TLCD4: variants seen among roughly 807,000 people sequenced by gnomAD.
TLCD4 encodes the protein TLC domain containing 4.
TLCD4 carries 7 observed loss-of-function variants against 24.2 expected under a neutral mutation model. The ratio of observed to expected loss-of-function variants is 0.29; its 90% confidence interval spans 0.16 to 0.54. The LOEUF (loss-of-function observed/expected upper bound fraction) is 0.54. Among genes scored for constraint, TLCD4 ranks in the 20% least tolerant of loss-of-function variants. The probability of loss-of-function intolerance (pLI) is 0.95; values close to 1 mark genes in which losing one functional copy is unlikely to be tolerated. For missense variants in TLCD4, 259 were observed against 313.9 expected (o/e 0.82, Z 1.32); for synonymous variants, 103 against 106.4 (o/e 0.97, Z 0.20).
the TLCD4 span, among the ~76,000 whole-genome samples, chr1:95,105,894 T>C: frequency 0.038 from 4,267 of 113,580 alleles, 284 homozygotes; most frequent in East Asian, 0.044. Context: ...GACTCCGTCT[T>C]AAAAAAAAAA....
At chr1:95,137,007 C>A (rs565078648) in intron 1 of TLCD4, among the ~76,000 whole-genome samples, 40 of 151,632 alleles carry the variant, frequency 2.6e-4, no homozygotes, top group Non-Finnish European at 4.7e-4. Flanking sequence ...TGGTACATGG[C>A]GGGTGGTGAA....
At chr1:95,156,890 C>A (rs577991041) in intron 5 of TLCD4, among the ~76,000 whole-genome samples, 20 of 151,970 alleles carry the variant, frequency 1.3e-4, no homozygotes, top group Non-Finnish European at 2.8e-4. Context: ...GCCCATATGC[C>A]ATTAGAAATG....
intron 3 of TLCD4, among the ~76,000 whole-genome samples, chr1:95,149,338 A>G (rs969183908): frequency 6.6e-6 from 1 of 152,168 alleles, no homozygotes; most frequent in Admixed American, 6.5e-5. Flanking sequence ...TGTCATTCCA[A>G]TGGCAGAAAT....
the TLCD4 span, among the ~76,000 whole-genome samples, chr1:95,092,865 A>G: frequency 6.6e-6 from 1 of 152,114 alleles, no homozygotes; most frequent in Non-Finnish European, 1.5e-5. Context: ...CAGCCTCCCA[A>G]GTAGCTGGGA....
the TLCD4 span, among the ~76,000 whole-genome samples, chr1:95,110,866 T>TAA: frequency 5.0e-5 from 6 of 119,562 alleles, no homozygotes; most frequent in Non-Finnish European, 1.1e-4. Flanking sequence ...AAAAGAAAAG[T>TAA]AAAAAAAAAA....
At chr1:95,173,006 A>G (rs1315656746) in intron 5 of TLCD4, among the ~76,000 whole-genome samples, 1 of 152,164 alleles carries the variant, frequency 6.6e-6, no homozygotes, top group African/African-American at 2.4e-5. Context: ...AACTTTTCAT[A>G]TTATTTAATT....
intron 5 of TLCD4, among the ~76,000 whole-genome samples, chr1:95,162,092 C>T (rs567588321): frequency 2.2e-4 from 33 of 152,178 alleles, no homozygotes; most frequent in Non-Finnish European, 4.0e-4. Context: ...CTAATGTTGA[C>T]AGTGGGGTGT....
chr1:95,158,181 A>AT (rs1571752092), intron 5 of TLCD4, among the ~76,000 whole-genome samples: 2 of 124,646 alleles, frequency 1.6e-5, no homozygotes, highest in Admixed American at 8.5e-5. Flanking sequence ...TTGATACTTA[A>AT]TTTTTTCTTT....
intron 1 of TLCD4, among the ~76,000 whole-genome samples, chr1:95,126,364 G>A (rs1007123227): frequency 1.3e-5 from 2 of 151,520 alleles, no homozygotes; most frequent in Admixed American, 6.6e-5. Context: ...GGAGGCAGAG[G>A]TTGCAGTGAG....
At chr1:95,125,164 A>T (rs1676680201) in intron 1 of TLCD4, among the ~76,000 whole-genome samples, 1 of 152,110 alleles carries the variant, frequency 6.6e-6, no homozygotes, top group African/African-American at 2.4e-5. Flanking sequence ...GGCCTAAAAC[A>T]GTTCTTCATT....
chr1:95,093,426 C>T, the TLCD4 span, among the ~76,000 whole-genome samples: 1 of 152,130 alleles, frequency 6.6e-6, no homozygotes, highest in Non-Finnish European at 1.5e-5. Context: ...GAGTATCTTT[C>T]TTTTATGTTA....
At chr1:95,166,424 G>A (rs1379126115) in intron 5 of TLCD4, among the ~76,000 whole-genome samples, 1 of 152,196 alleles carries the variant, frequency 6.6e-6, no homozygotes, top group East Asian at 1.9e-4. Flanking sequence ...ACCCTTAGAA[G>A]TATTAATTTT....
chr1:95,121,887 G>C (rs1454983505), intron 1 of TLCD4, among the ~76,000 whole-genome samples: 1 of 152,246 alleles, frequency 6.6e-6, no homozygotes, highest in African/African-American at 2.4e-5. Flanking sequence ...CATCTAAACA[G>C]CTTCTTGGAG....
intron 5 of TLCD4, among the ~76,000 whole-genome samples, chr1:95,158,593 T>A (rs903519505): frequency 2.0e-5 from 3 of 152,204 alleles, no homozygotes; most frequent in African/African-American, 7.2e-5. Context: ...TGTGTCATGT[T>A]GGTGTGCTGC....
chr1:95,129,094 A>G (rs1676818971), intron 1 of TLCD4, among the ~76,000 whole-genome samples: 1 of 152,212 alleles, frequency 6.6e-6, no homozygotes, highest in Non-Finnish European at 1.5e-5. Flanking sequence ...ATTATTATAT[A>G]CAATTATGAG....
intron 6 of TLCD4, among the ~76,000 whole-genome samples, chr1:95,179,797 C>T (rs1314932907): frequency 6.6e-6 from 1 of 152,082 alleles, no homozygotes; most frequent in Non-Finnish European, 1.5e-5. Context: ...CCACATGGCC[C>T]CTCAAACCCT....
chr1:95,183,209 T>G (rs1678708942), intron 6 of TLCD4, among the ~76,000 whole-genome samples: 1 of 152,194 alleles, frequency 6.6e-6, no homozygotes, highest in African/African-American at 2.4e-5. Context: ...GAGTCCATAT[T>G]AAGCTGTGGG....
chr1:95,186,408 G>C (rs1337135264), intron 6 of TLCD4, among the ~76,000 whole-genome samples: 1 of 152,226 alleles, frequency 6.6e-6, no homozygotes, highest in Non-Finnish European at 1.5e-5. Flanking sequence ...AGTGGCAAGA[G>C]AACGGAGGGT....
intron 2 of TLCD4, among the ~76,000 whole-genome samples, chr1:95,145,984 A>G (rs1369366301): frequency 6.6e-6 from 1 of 152,170 alleles, no homozygotes; most frequent in African/African-American, 2.4e-5. Context: ...AAAGGACTTA[A>G]GCTGTAAGGT....
Sources: gnomAD v4.1 joint callset for allele counts (sites outside exome capture counted in the v4.1 genomes callset) on GRCh38, gnomAD v4.1.1 for gene constraint, MANE v1.5 for transcripts, NCBI Gene and HGNC (gene_info 2026-07-23, HGNC 2026-07-21) for gene names.